INSRR: variants seen among roughly 807,000 people sequenced by gnomAD.
INSRR encodes insulin receptor related receptor, also known as insulin receptor-related protein.
A neutral mutation model predicts 130.0 loss-of-function variants in INSRR; 114 were observed. That is an observed-to-expected ratio of 0.88 (90% CI 0.75 to 1.02). INSRR has a LOEUF of 1.02. INSRR is among the 50% of genes least tolerant of loss of function. The pLI is 0.00. For missense variants in INSRR, 1,657 were observed against 1,735.2 expected (o/e 0.95, Z 0.80); for synonymous variants, 674 against 705.2 (o/e 0.96, Z 0.70).
chr1:156,851,389 GT>G lies in INSRR; in HGVS notation c.1129del (p.Thr377ProfsTer25). The G allele has an allele frequency of 6.2e-7, 1 of 1,614,176 alleles. No individual in the cohort carries two copies. Among genetic ancestry groups the G allele is most frequent in the Non-Finnish European group, 8.5e-7 (1 of 1,180,018 alleles). On this transcript the variant is annotated frameshift_variant, in exon 5 of 22. Coordinates refer to ENST00000368195, the MANE Select transcript of INSRR (RefSeq NM_014215.3). LOFTEE classifies it high-confidence loss of function. ...QLQHSLGLVE[T>X]ITGFLKIKHS... ...CTTGATTTTGAGGAAGCCAGTAATGGTTTCTACCAGCCCCAGGCTGTGCTGC... is the reference window on the plus strand; with the variant it reads ...CTTGATTTTGAGGAAGCCAGTAATGGTTCTACCAGCCCCAGGCTGTGCTGC...
intron 8 of INSRR, 113 bp downstream of exon 8, chr1:156,846,406 G>A (rs1386162824): frequency 2.3e-6 from 2 of 888,828 alleles, no homozygotes; most frequent in African/African-American, 1.7e-5. Context: ...TGGCCTTCCA[G>A]CCTCTGTGGG....
Position 156,841,646 on chromosome 1 carries a change from T to A in INSRR, c.3527+19A>T, listed in dbSNP as rs1324396735. The stretch of plus-strand genomic sequence containing the variant: ...CCGCCTCCACATCCCTGGAGCCCTG[T>A]GCTCCAGCTCGGCCCCACCAGACAT... On this transcript the variant is annotated intron_variant, in intron 20 of 21. Coordinates refer to ENST00000368195, the MANE Select transcript of INSRR (RefSeq NM_014215.3). 6.2e-7 allele frequency: 1 copy of A among 1,612,452 alleles called. No homozygotes were observed. The highest frequency in any genetic ancestry group is 2.2e-5 in the East Asian group (1 of 44,820).
At chr1:156,849,493 G>GT in intron 5 of INSRR, 33 bp from the exon 6 acceptor site, 2 of 991,756 alleles carry the variant, frequency 2.0e-6, no homozygotes, top group Non-Finnish European at 3.1e-6. Flanking sequence ...GCTCTGCGGG[G>GT]AGGTGGGGGC....
chr1:156,853,498 C>T (rs912833318), intron 2 of INSRR, among the ~76,000 whole-genome samples: 1 of 152,166 alleles, frequency 6.6e-6, no homozygotes, highest in Non-Finnish European at 1.5e-5. Flanking sequence ...CTATTCTTTT[C>T]CCCCCATGCC....
At position 156,841,031 on chromosome 1, in the gene INSRR, T is replaced by A. The variant is rs754153291; in HGVS notation, c.3736A>T (p.Ile1246Leu). 8 of 1,602,582 alleles carry A rather than the reference T, an allele frequency of 5.0e-6. No individual in the cohort carries two copies. The highest frequency in any genetic ancestry group is 6.8e-6 in the Non-Finnish European group (8 of 1,174,388). Residue 1246 changes from isoleucine to leucine, a missense_variant, in exon 22 of 22, where the codon ATA (isoleucine) becomes TTA (leucine). Ile to Leu is a conservative substitution (Grantham distance 5). Transcript: ENST00000368195. ...RPSFTHILDS[I>L]QEELRPSFRL... ...AAGGAGGGCCGCAGCTCCTCCTGTATGCTGTCCAGAATGTGTGTGAAAGAT... is the reference window on the plus strand; with the variant it reads ...AAGGAGGGCCGCAGCTCCTCCTGTAAGCTGTCCAGAATGTGTGTGAAAGAT...
At chr1:156,841,129 A>T in intron 21 of INSRR, 25 bp from the exon 22 acceptor site, 1 of 1,528,754 alleles carries the variant, frequency 6.5e-7, no homozygotes, top group East Asian at 2.4e-5. Context: ...GAGCAGGGTC[A>T]GAGGCATCCG....
chr1:156,852,815 C>T (rs1655272870), intron 2 of INSRR, among the ~76,000 whole-genome samples: 1 of 152,176 alleles, frequency 6.6e-6, no homozygotes, highest in Non-Finnish European at 1.5e-5. Context: ...AGAGGATGCG[C>T]AGCAGCTGTG....
At chr1:156,849,159 G>T in intron 6 of INSRR, 87 bp downstream of exon 6, 1 of 1,600,382 alleles carries the variant, frequency 6.2e-7, no homozygotes, top group South Asian at 1.1e-5. Flanking sequence ...ACTTCTCAGA[G>T]TGTCCCCCTC....
At chr1:156,845,054 G>GGT (rs769468285) in intron 12 of INSRR, 22 bp downstream of exon 12, 37 of 1,590,586 alleles carry the variant, frequency 2.3e-5, no homozygotes, top group Non-Finnish European at 2.8e-5. Context: ...GGGGGTAGAA[G>GGT]GTGTGTGTGT....
intron 1 of INSRR, 22 bp downstream of exon 1, chr1:156,858,515 G>C: frequency 6.2e-7 from 1 of 1,603,606 alleles, no homozygotes; most frequent in Non-Finnish European, 8.5e-7. Context: ...TAGGGGTCTG[G>C]GAGCCAGTTC....
chr1:156,849,497 T>TGGGG, intron 5 of INSRR, 37 bp from the exon 6 acceptor site: 1 of 243,940 alleles, frequency 4.1e-6, no homozygotes, highest in Admixed American at 5.1e-5. Flanking sequence ...TGCGGGGAGG[T>TGGGG]GGGGGCAGGG....
At position 156,846,820 on chromosome 1, in the gene INSRR, G is replaced by A. The variant is rs61813769; in HGVS notation, c.1572-63C>T. The A allele has an allele frequency of 5.6e-4, 727 of 1,299,846 alleles. 2 individuals carry two copies. Among genetic ancestry groups the A allele is most frequent in the Non-Finnish European group, 7.7e-4 (695 of 899,016 alleles). The allele number at this position is 1,299,846 out of a possible 1,614,324, so 80.5% of individuals were successfully genotyped here. A position where few individuals can be genotyped will look rare whatever the true frequency, so the allele number is the denominator to read the frequency against. ...CCCACCCTCAAGTTCTGGCACCCCC[G>A]CTCTGAATCACCCCAGGACTGTCAT... On this transcript the variant is annotated intron_variant, in intron 7 of 21. Transcript: ENST00000368195.
rs2102853539 is a variant in INSRR at position 156,842,111 on chromosome 1, C to T, written c.3397+1G>A. 1 of 1,613,998 alleles carries T rather than the reference C, an allele frequency of 6.2e-7. No individual in the cohort carries two copies. The highest frequency in any genetic ancestry group is 8.5e-7 in the Non-Finnish European group (1 of 1,179,974). ...CCTCATCTGCCTGGCACCCTCTGTA[C>T]CCCCGATCTTGACGGTGAAGTCCTG... On this transcript the variant is annotated splice_donor_variant, in intron 19 of 21. Transcript: ENST00000368195. LOFTEE classifies it high-confidence loss of function.
intron 5 of INSRR, among the ~76,000 whole-genome samples, chr1:156,849,667 A>G (rs563381339): frequency 6.6e-6 from 1 of 152,136 alleles, no homozygotes; most frequent in African/African-American, 2.4e-5. Context: ...AAGTCACCCC[A>G]TCTTTTGGTT....
At chr1:156,856,051 C>G (rs1558092834) in intron 1 of INSRR, among the ~76,000 whole-genome samples, 1 of 151,848 alleles carries the variant, frequency 6.6e-6, no homozygotes, top group Non-Finnish European at 1.5e-5. Flanking sequence ...TCAAGTAATC[C>G]CTCTGCCTCG....
In INSRR at chr1:156,848,934, A is replaced by T; in HGVS notation, c.1558T>A (p.Tyr520Asn). 6.3e-7 allele frequency: 1 copy of T among 1,580,774 alleles called. No individual in the cohort carries two copies. The highest frequency in any genetic ancestry group is 2.3e-5 in the East Asian group (1 of 43,448). Residue 520 changes from tyrosine to asparagine, a missense_variant, in exon 7 of 22, where the codon TAC becomes AAC. Coordinates refer to ENST00000368195, the MANE Select transcript of INSRR (RefSeq NM_014215.3). The part of the protein sequence containing the change: ...EARDLLSFIV[Y>N]YKESPFQNAT... ...CCCGGCACTCACGACTCCTTGTAGTACACGATGAAGCTGAGCAGGTCGCGG... is the reference window on the plus strand; with the variant it reads ...CCCGGCACTCACGACTCCTTGTAGTTCACGATGAAGCTGAGCAGGTCGCGG...
At chr1:156,845,923 C>A in intron 9 of INSRR, 29 bp downstream of exon 9, 1 of 1,604,838 alleles carries the variant, frequency 6.2e-7, no homozygotes, top group Non-Finnish European at 8.5e-7. Flanking sequence ...ACCCGCCCCG[C>A]GGCCGGCCTG....
At position 156,845,295 on chromosome 1, in the gene INSRR, C is replaced by T. The variant is rs1654952517; in HGVS notation, c.2218G>A (p.Asp740Asn). ...GCTGCCCGGCGGTGCCGCCCTGAGT[C>T]CCTGGGGAGAGCGAGTCAGAGCCAA... ...VTSINKSPQR[D>N]SGRHRRAAGP... Residue 740 changes from aspartate to asparagine, a missense_variant and splice_region_variant, in exon 12 of 22, where the codon GAC becomes AAC. Coordinates refer to ENST00000368195, the MANE Select transcript of INSRR (RefSeq NM_014215.3). 6.2e-7 allele frequency: 1 copy of T among 1,612,686 alleles called. No homozygotes were observed. The highest frequency in any genetic ancestry group is 1.3e-5 in the African/African-American group (1 of 74,932).
chr1:156,857,558 T>C (rs1264820546), intron 1 of INSRR, among the ~76,000 whole-genome samples: 1 of 152,144 alleles, frequency 6.6e-6, no homozygotes, highest in East Asian at 1.9e-4. Context: ...GCATCTGCTG[T>C]GCAGAAGAGG....
Sources: gnomAD v4.1 joint callset for allele counts (sites outside exome capture counted in the v4.1 genomes callset) on GRCh38, gnomAD v4.1.1 for gene constraint, MANE v1.5 for transcripts, NCBI Gene and HGNC (gene_info 2026-07-23, HGNC 2026-07-21) for gene names.